Variants in SAMD12 observed in about 807,000 individuals in gnomAD.
SAMD12 encodes sterile alpha motif domain-containing protein 12.
A neutral mutation model predicts 15.0 loss-of-function variants in SAMD12; 9 were observed. The observed-to-expected ratio is 0.60, with a 90% confidence interval of 0.36 to 1.05. The LOEUF is 1.05. Among genes scored for constraint, SAMD12 ranks in the 50% least tolerant of loss-of-function variants. SAMD12 has a pLI of 0.01. For synonymous variants in SAMD12, 86 were observed against 90.1 expected, an observed-to-expected ratio of 0.96 and a Z score of 0.25; for missense variants, 230 against 234.2, an observed-to-expected ratio of 0.98 and a Z score of 0.12.
intron 4 of SAMD12, among the ~76,000 whole-genome samples, chr8:118,252,991 A>G (rs1202726333): frequency 1.3e-5 from 2 of 152,166 alleles, no homozygotes; most frequent in Non-Finnish European, 2.9e-5. Context: ...GAGGGAGCCC[A>G]CACAGAAAGA....
At chr8:118,225,749 T>C (rs1812175485) in intron 4 of SAMD12, among the ~76,000 whole-genome samples, 1 of 152,152 alleles carries the variant, frequency 6.6e-6, no homozygotes. Flanking sequence ...TTCAAAGAGC[T>C]TACAGTTCAA....
intron 1 of SAMD12, among the ~76,000 whole-genome samples, chr8:118,584,995 T>C (rs142325101): frequency 3.1e-4 from 47 of 151,526 alleles, no homozygotes; most frequent in African/African-American, 1.1e-3. Flanking sequence ...CTCAAGATAT[T>C]TGTATGCTCA....
the SAMD12 span, among the ~76,000 whole-genome samples, chr8:118,170,603 G>T: frequency 6.6e-6 from 1 of 152,166 alleles, no homozygotes; most frequent in African/African-American, 2.4e-5. Flanking sequence ...TCAACAAATG[G>T]TGCTGGAATA....
chr8:118,610,278 C>T (rs1236588071), intron 1 of SAMD12, among the ~76,000 whole-genome samples: 1 of 152,130 alleles, frequency 6.6e-6, no homozygotes, highest in South Asian at 2.1e-4. Context: ...CATTGCAGAG[C>T]CCAATTAAGT....
At chr8:118,409,688 T>C (rs760148390) in intron 3 of SAMD12, among the ~76,000 whole-genome samples, 1 of 151,642 alleles carries the variant, frequency 6.6e-6, no homozygotes, top group African/African-American at 2.4e-5. Flanking sequence ...TGATCAGTAC[T>C]GGGATGTACT....
At chr8:118,247,524 T>G (rs1397270033) in intron 4 of SAMD12, among the ~76,000 whole-genome samples, 1 of 152,070 alleles carries the variant, frequency 6.6e-6, no homozygotes, top group Non-Finnish European at 1.5e-5. Flanking sequence ...TCACATTGTA[T>G]TACATAAATA....
chr8:118,193,662 A>C (rs1819470869), exon 5 of SAMD12: 1 of 152,206 alleles, frequency 6.6e-6, no homozygotes, highest in African/African-American at 2.4e-5. Flanking sequence ...CTTAAGAAGA[A>C]ATATTAGGAC....
chr8:118,556,614 A>G (rs190740679), intron 2 of SAMD12, among the ~76,000 whole-genome samples: 2 of 152,332 alleles, frequency 1.3e-5, no homozygotes, highest in Non-Finnish European at 2.9e-5. Context: ...GCTGATAGCC[A>G]GAGATAACAA....
chr8:118,502,614 TTCATTACATTTTTCAATG>T (rs2131044192), intron 2 of SAMD12, among the ~76,000 whole-genome samples: 1 of 152,342 alleles, frequency 6.6e-6, no homozygotes, highest in South Asian at 2.1e-4. Context: ...AGAGCACATT[TTCATTACATTTTTCAATG>T]AATAAAAATG....
intron 2 of SAMD12, among the ~76,000 whole-genome samples, chr8:118,500,517 T>C (rs138286169): frequency 1.0e-3 from 156 of 151,724 alleles, no homozygotes; most frequent in African/African-American, 3.7e-3. Flanking sequence ...TCAAAATCAG[T>C]TGTTCCTGCC....
intron 4 of SAMD12, among the ~76,000 whole-genome samples, chr8:118,324,094 T>C (rs1563763785): frequency 2.0e-5 from 3 of 152,232 alleles, no homozygotes; most frequent in Admixed American, 6.5e-5. Context: ...CTTTTATCTA[T>C]GTGCATGTCT....
intron 1 of SAMD12, among the ~76,000 whole-genome samples, chr8:118,609,418 G>A (rs540135010): frequency 2.6e-5 from 4 of 152,288 alleles, no homozygotes; most frequent in African/African-American, 9.6e-5. Context: ...AACAGTAGCT[G>A]GGCTTAACCG....
intron 3 of SAMD12, among the ~76,000 whole-genome samples, chr8:118,424,603 A>C (rs145066340): frequency 5.3e-5 from 8 of 152,214 alleles, no homozygotes; most frequent in African/African-American, 1.9e-4. Flanking sequence ...ATTGAAAAAT[A>C]TCTCTAATAA....
the SAMD12 span, among the ~76,000 whole-genome samples, chr8:118,150,699 T>C: frequency 1.3e-5 from 2 of 152,164 alleles, no homozygotes; most frequent in Admixed American, 1.3e-4. Context: ...TAATTGATCA[T>C]CTCTTAAAGA....
intron 4 of SAMD12, among the ~76,000 whole-genome samples, chr8:118,256,821 C>CACACACAA (rs1554618191): frequency 6.7e-6 from 1 of 148,340 alleles, no homozygotes; most frequent in African/African-American, 2.5e-5. Context: ...CACACACACA[C>CACACACAA]GCACACATTC....
chr8:118,435,380 T>A (rs1003886102), intron 3 of SAMD12, among the ~76,000 whole-genome samples: 10 of 152,286 alleles, frequency 6.6e-5, no homozygotes, highest in African/African-American at 2.4e-4. Flanking sequence ...ATCATAGGTA[T>A]GTATGTATAC....
chr8:118,354,390 T>C (rs1047446902), intron 4 of SAMD12, among the ~76,000 whole-genome samples: 3 of 152,278 alleles, frequency 2.0e-5, no homozygotes, highest in Admixed American at 2.0e-4. Flanking sequence ...CCTCCGTAAT[T>C]TTCATAAACC....
intron 2 of SAMD12, among the ~76,000 whole-genome samples, chr8:118,442,524 G>A (rs1019721652): frequency 3.3e-5 from 5 of 152,190 alleles, no homozygotes; most frequent in African/African-American, 1.2e-4. Context: ...GGCATGGAGG[G>A]TATAAATGAA....
chr8:118,203,384 T>TTGTGTG (rs55916454), intron 4 of SAMD12, among the ~76,000 whole-genome samples: 106 of 149,212 alleles, frequency 7.1e-4, no homozygotes, highest in East Asian at 2.6e-3. Flanking sequence ...TGGTAACAAC[T>TTGTGTG]TGTGTGTGTG....
Sources: allele counts gnomAD v4.1 joint callset (sites outside exome capture counted in the v4.1 genomes callset), GRCh38; gene constraint gnomAD v4.1.1; transcripts MANE v1.5; gene names NCBI Gene and HGNC (gene_info 2026-07-23, HGNC 2026-07-21).